KCNJ4: variants seen among roughly 807,000 people sequenced by gnomAD.
KCNJ4 encodes potassium inwardly rectifying channel subfamily J member 4, also known as inward rectifier potassium channel 4.
A neutral mutation model predicts 25.6 loss-of-function variants in KCNJ4; 3 were observed. The ratio of observed to expected loss-of-function variants is 0.12; its 90% confidence interval spans 0.05 to 0.30. The LOEUF is 0.30. Ranked by LOEUF, KCNJ4 falls within the 10% of genes least tolerant of loss-of-function variation. The pLI is 1.00. For missense variants in KCNJ4, 286 were observed against 666.8 expected, an observed-to-expected ratio of 0.43 and a Z score of 6.29; for synonymous variants, 257 against 283.9, an observed-to-expected ratio of 0.91 and a Z score of 0.95.
chr22:38,429,782 G>C (rs1326371312), intron 1 of KCNJ4, among the ~76,000 whole-genome samples: 1 of 152,238 alleles, frequency 6.6e-6, no homozygotes, highest in Non-Finnish European at 1.5e-5. Flanking sequence ...GCAGCTGGCA[G>C]GGCCAGGACT....
chr22:38,444,460 G>A (rs1441318639), intron 1 of KCNJ4, among the ~76,000 whole-genome samples: 3 of 152,228 alleles, frequency 2.0e-5, no homozygotes, highest in Admixed American at 6.5e-5. Flanking sequence ...GAGCAGAGGG[G>A]ACAGAGGACA....
At chr22:38,442,421 C>G (rs1022935234) in intron 1 of KCNJ4, among the ~76,000 whole-genome samples, 2 of 151,598 alleles carry the variant, frequency 1.3e-5, no homozygotes, top group African/African-American at 4.9e-5. Flanking sequence ...GTGGCGGGCA[C>G]CTGTAGTCCC....
chr22:38,433,638 G>A (rs947602988), intron 1 of KCNJ4, among the ~76,000 whole-genome samples: 5 of 152,120 alleles, frequency 3.3e-5, no homozygotes, highest in South Asian at 2.1e-4. Flanking sequence ...TTACTGTGCT[G>A]TAAACATCCA....
rs2071642413 is a variant in KCNJ4, at chr22:38,426,416, C to T, written c.*379G>A. ...CAGTCATGCAAAAGAAACGCACCCC[C>T]CCCTCCCCAAACTAACCCCCTGCCC... On this transcript the variant is annotated 3_prime_UTR_variant, in exon 2 of 2. Transcript: ENST00000303592. 1.2e-5 allele frequency: 2 copies of T among 171,550 alleles called. No homozygotes were observed. The highest frequency in any genetic ancestry group is 4.8e-5 in the African/African-American group (2 of 41,818). The allele number at this position is 171,550 out of a possible 1,614,324, so 10.6% of individuals were successfully genotyped here.
intron 1 of KCNJ4, among the ~76,000 whole-genome samples, chr22:38,447,053 G>A (rs377681135): frequency 3.1e-4 from 47 of 152,252 alleles, no homozygotes; most frequent in East Asian, 2.7e-3. Context: ...TTCCGCAGCT[G>A]CTAAGGGGTG....
At chr22:38,444,100 G>A (rs1468960577) in intron 1 of KCNJ4, among the ~76,000 whole-genome samples, 2 of 152,124 alleles carry the variant, frequency 1.3e-5, no homozygotes, top group Non-Finnish European at 1.5e-5. Flanking sequence ...GTTCCAAGAG[G>A]CCCCGAGGCC....
intron 1 of KCNJ4, among the ~76,000 whole-genome samples, chr22:38,451,218 G>A (rs1353022710): frequency 6.6e-6 from 1 of 152,184 alleles, no homozygotes; most frequent in Non-Finnish European, 1.5e-5. Flanking sequence ...TTGGAAGTGG[G>A]GATGTTATTC....
chr22:38,427,974 C>T lies in KCNJ4; in HGVS notation c.159G>A (p.Thr53=), dbSNP rs766050116. Residue 53 remains threonine, a synonymous_variant, in exon 2 of 2, where the codon ACG becomes ACA. Transcript: ENST00000303592. ...MADIFTTCVD[T]RWRYMLMIFS... ...AGATCATGAGCATGTAGCGCCAGCG[C>T]GTGTCCACGCAGGTGGTGAAGATGT... The T allele has an allele frequency of 1.1e-5, 18 of 1,614,072 alleles. No homozygotes were observed. Among genetic ancestry groups the T allele is most frequent in the South Asian group, 3.3e-5 (3 of 91,094 alleles).
At chr22:38,442,168 C>A (rs1000796533) in intron 1 of KCNJ4, among the ~76,000 whole-genome samples, 1 of 151,986 alleles carries the variant, frequency 6.6e-6, no homozygotes, top group Non-Finnish European at 1.5e-5. Context: ...ATTTTAGAAC[C>A]GTATGAATGT....
intron 1 of KCNJ4, among the ~76,000 whole-genome samples, chr22:38,451,451 A>T (rs2089409859): frequency 6.6e-6 from 1 of 152,178 alleles, no homozygotes; most frequent in African/African-American, 2.4e-5. Context: ...CTTTAAAATG[A>T]GACTGAAAGG....
intron 1 of KCNJ4, among the ~76,000 whole-genome samples, chr22:38,445,003 G>A (rs951443832): frequency 6.6e-6 from 1 of 152,180 alleles, no homozygotes; most frequent in Non-Finnish European, 1.5e-5. Context: ...TATGCTGAAG[G>A]GAAGCAGGTA....
At chr22:38,451,517 G>T (rs2145950043) in intron 1 of KCNJ4, among the ~76,000 whole-genome samples, 1 of 152,336 alleles carries the variant, frequency 6.6e-6, no homozygotes, top group East Asian at 1.9e-4. Flanking sequence ...ACAGTGGGGT[G>T]AGGGGATCTG....
chr22:38,429,050 C>G (rs1289359522), intron 1 of KCNJ4, among the ~76,000 whole-genome samples: 1 of 144,642 alleles, frequency 6.9e-6, no homozygotes, highest in Non-Finnish European at 1.5e-5. Context: ...TGCCACTGAA[C>G]TCCAACCTGG....
chr22:38,446,834 T>C (rs393294), intron 1 of KCNJ4, among the ~76,000 whole-genome samples: 3 of 151,720 alleles, frequency 2.0e-5, no homozygotes, highest in Non-Finnish European at 4.4e-5. Context: ...TGCGCACCTG[T>C]AGTCCTAGCT....
intron 1 of KCNJ4, among the ~76,000 whole-genome samples, chr22:38,451,722 A>G (rs2089411509): frequency 6.6e-6 from 1 of 151,868 alleles, no homozygotes; most frequent in Non-Finnish European, 1.5e-5. Flanking sequence ...TGTGACCCTC[A>G]TGGGTCCACT....
At chr22:38,446,459 T>A (rs1024473454) in intron 1 of KCNJ4, among the ~76,000 whole-genome samples, 1 of 152,048 alleles carries the variant, frequency 6.6e-6, no homozygotes, top group African/African-American at 2.4e-5. Context: ...AAAGCAGTTC[T>A]GGGGGCCTGG....
At chr22:38,452,593 C>T (rs2089416571) in intron 1 of KCNJ4, among the ~76,000 whole-genome samples, 3 of 152,160 alleles carry the variant, frequency 2.0e-5, no homozygotes, top group South Asian at 2.1e-4. Context: ...ACTCGGCTTT[C>T]GTCCCGGTGC....
rs1226608821 is a variant in KCNJ4, at chr22:38,443,710, C to T, written c.-40+11270G>A. Among the ~76,000 whole-genome samples the T allele has an allele frequency of 1.3e-5, 2 of 152,158 alleles. No homozygotes were observed. The highest frequency in any genetic ancestry group is 2.4e-5 in the African/African-American group (1 of 41,430). ...CCAAAGCGGGTGAACCTCGGGGCCC[C>T]GGACACGTCCCCTCACCTAGTCATC... On this transcript the variant is annotated intron_variant, in intron 1 of 1. Coordinates refer to ENST00000303592, the MANE Select transcript of KCNJ4 (RefSeq NM_152868.3). The surrounding 1 kb of genome is among the most constrained non-coding windows in gnomAD (Gnocchi z 4.1).
At position 38,426,698 on chromosome 22, in the gene KCNJ4, C is replaced by G; in HGVS notation, c.*97G>C. 7.0e-7 allele frequency: 1 copy of G among 1,438,190 alleles called. No individual in the cohort carries two copies. The highest frequency in any genetic ancestry group is 2.3e-5 in the Admixed American group (1 of 44,340). 89.1% of individuals were successfully genotyped at this position (1,438,190 alleles called of 1,614,324 possible). On this transcript the variant is annotated 3_prime_UTR_variant, in exon 2 of 2. Transcript: ENST00000303592. ...ACCTTCCTCCAGAAGGTCCACGGAG[C>G]CAGGGTTGGCTCTGTCCTGAGTGTG...
Sources: gnomAD v4.1 joint callset for allele counts (sites outside exome capture counted in the v4.1 genomes callset) on GRCh38, gnomAD v4.1.1 for gene constraint, Gnocchi (gnomAD v3.1) non-coding constraint, MANE v1.5 for transcripts, NCBI Gene and HGNC (gene_info 2026-07-23, HGNC 2026-07-21) for gene names.